The following TASP1 variants were observed in gnomAD, a reference collection of about 807,000 sequenced individuals.
The protein encoded by TASP1 is threonine aspartase 1.
A neutral mutation model predicts 56.6 loss-of-function variants in TASP1; 16 were observed. The ratio of observed to expected loss-of-function variants is 0.28; its 90% confidence interval spans 0.19 to 0.43. The LOEUF is 0.43. TASP1 is among the 20% of genes least tolerant of loss of function. The pLI, the probability that TASP1 is intolerant of heterozygous loss-of-function variation, is 1.00. For missense variants in TASP1, 393 were observed against 511.6 expected (o/e 0.77, Z 2.24); for synonymous variants, 179 against 184.2 (o/e 0.97, Z 0.23).
intron 10 of TASP1, among the ~76,000 whole-genome samples, chr20:13,500,533 G>GAA (rs1419762408): frequency 6.6e-6 from 1 of 151,262 alleles, no homozygotes; most frequent in Non-Finnish European, 1.5e-5. Context: ...TTATGTAAGT[G>GAA]AAAAAAATAT....
the TASP1 span, among the ~76,000 whole-genome samples, chr20:13,338,641 T>C: frequency 6.6e-6 from 1 of 152,236 alleles, no homozygotes; most frequent in Non-Finnish European, 1.5e-5. Context: ...TAGGGTTTCA[T>C]GCTAAAGATG....
intron 9 of TASP1, among the ~76,000 whole-genome samples, chr20:13,530,603 T>C (rs984180042): frequency 1.3e-5 from 2 of 152,136 alleles, no homozygotes; most frequent in Admixed American, 1.3e-4. Flanking sequence ...ACTCAAAAAA[T>C]AGTAAATAAG....
chr20:13,277,246 A>G, the TASP1 span, among the ~76,000 whole-genome samples: 1 of 152,010 alleles, frequency 6.6e-6, no homozygotes, highest in Admixed American at 6.6e-5. Context: ...AATCCCTTTG[A>G]CTCCAGTCTG....
chr20:13,426,350 G>A (rs1011901302), intron 12 of TASP1, among the ~76,000 whole-genome samples: 1 of 152,054 alleles, frequency 6.6e-6, no homozygotes, highest in African/African-American at 2.4e-5. Flanking sequence ...TTTCCTGAGT[G>A]TAATAAGAAT....
the TASP1 span, among the ~76,000 whole-genome samples, chr20:13,275,080 T>C: frequency 1.3e-5 from 2 of 152,238 alleles, no homozygotes; most frequent in Non-Finnish European, 2.9e-5. Context: ...ACTGTTAGGC[T>C]TACTACATTG....
At chr20:13,395,738 G>T (rs6109853) in intron 13 of TASP1, among the ~76,000 whole-genome samples, 1,665 of 141,698 alleles carry the variant, frequency 0.012, 41 homozygotes, top group African/African-American at 0.041. Context: ...GTCTCACTCT[G>T]TCACCCAGGC....
chr20:13,256,275 A>T, the TASP1 span, among the ~76,000 whole-genome samples: 1 of 151,944 alleles, frequency 6.6e-6, no homozygotes, highest in Non-Finnish European at 1.5e-5. Context: ...GGGTGCCTGT[A>T]ATCCCAGCTA....
intron 4 of TASP1, among the ~76,000 whole-genome samples, chr20:13,610,596 A>T (rs1303492925): frequency 6.6e-6 from 1 of 152,182 alleles, no homozygotes; most frequent in Admixed American, 6.5e-5. Context: ...AAGATTGCAA[A>T]TTTTTTAAAA....
the TASP1 span, among the ~76,000 whole-genome samples, chr20:13,227,994 T>TAGCTCTGTTGCCCAGGCTGGAGTCC: frequency 6.9e-6 from 1 of 145,766 alleles, no homozygotes; most frequent in Admixed American, 6.8e-5. Flanking sequence ...AGATGGAGTC[T>TAGCTCTGTTGCCCAGGCTGGAGTCC]AGCTCTGTTG....
At position 13,628,330 on chromosome 20, in the gene TASP1, T is replaced by C. The variant is rs2048970847; in HGVS notation, c.145+1604A>G. On this transcript the variant is annotated intron_variant, in intron 2 of 13. Transcript: ENST00000337743. Reference sequence around the variant, plus strand: ...ACACTTTCCAAACACTCACTCTGAATACGGTAACTCACTGGTATCATGGAA... The same window carrying C: ...ACACTTTCCAAACACTCACTCTGAACACGGTAACTCACTGGTATCATGGAA... Among the ~76,000 whole-genome samples the C allele has an allele frequency of 2.0e-5, 3 of 152,352 alleles. No individual in the cohort carries two copies. In the South Asian group the frequency reaches 6.2e-4, roughly 32 times the overall value.
intron 4 of TASP1, among the ~76,000 whole-genome samples, chr20:13,613,904 A>T (rs1006988940): frequency 2.6e-5 from 4 of 151,910 alleles, no homozygotes; most frequent in Admixed American, 1.3e-4. Context: ...CAATTATCTT[A>T]AAAAAAAGTT....
the TASP1 span, among the ~76,000 whole-genome samples, chr20:13,358,833 CT>C: frequency 6.6e-6 from 1 of 150,802 alleles, no homozygotes; most frequent in East Asian, 2.0e-4. Flanking sequence ...GTCCTTCACC[CT>C]TAGCGGCAAG....
At chr20:13,292,231 C>A in the TASP1 span, 6 of 612,886 alleles carry the variant, frequency 9.8e-6, no homozygotes, top group Non-Finnish European at 1.7e-5. Context: ...TTTACTGTTT[C>A]CTCTGTTGGC....
chr20:13,116,706 G>A, the TASP1 span, among the ~76,000 whole-genome samples: 1 of 152,120 alleles, frequency 6.6e-6, no homozygotes, highest in African/African-American at 2.4e-5. Context: ...AACAGTTAGG[G>A]CTAAAACAAA....
At chr20:13,528,666 G>A (rs1390786107) in intron 9 of TASP1, among the ~76,000 whole-genome samples, 155 bp from the exon 10 acceptor site, 2 of 152,084 alleles carry the variant, frequency 1.3e-5, no homozygotes, top group South Asian at 2.1e-4. Flanking sequence ...ATACGCACAC[G>A]ATGCTTTTAA....
chr20:13,314,559 C>G, the TASP1 span, among the ~76,000 whole-genome samples: 18,720 of 151,804 alleles, frequency 0.12, 1,271 homozygotes, highest in Admixed American at 0.18. Flanking sequence ...AGAAATAAAC[C>G]TTTTCTCAGA....
chr20:13,624,319 A>G (rs1034825715), intron 3 of TASP1, among the ~76,000 whole-genome samples: 3 of 152,112 alleles, frequency 2.0e-5, no homozygotes, highest in Non-Finnish European at 4.4e-5. Flanking sequence ...CAGATGACAG[A>G]AAAATTTCAC....
At chr20:13,453,390 G>A (rs950250083) in intron 11 of TASP1, among the ~76,000 whole-genome samples, 1 of 152,102 alleles carries the variant, frequency 6.6e-6, no homozygotes, top group African/African-American at 2.4e-5. Flanking sequence ...GCATGTTGAT[G>A]ACACAATGGT....
the TASP1 span, among the ~76,000 whole-genome samples, chr20:13,244,608 C>G: frequency 6.6e-6 from 1 of 152,192 alleles, no homozygotes; most frequent in Non-Finnish European, 1.5e-5. Flanking sequence ...TTCCAGTTCA[C>G]AGGCATGGTA....
Sources: allele counts gnomAD v4.1 joint callset (sites outside exome capture counted in the v4.1 genomes callset), GRCh38; gene constraint gnomAD v4.1.1; transcripts MANE v1.5; gene names NCBI Gene and HGNC (gene_info 2026-07-23, HGNC 2026-07-21).